The following XRRA1 variants were observed in gnomAD, a reference collection of about 807,000 sequenced individuals.
XRRA1 encodes X-ray radiation resistance-associated protein 1.
XRRA1 carries 69 observed loss-of-function variants against 80.2 expected under a neutral mutation model. That is an observed-to-expected ratio of 0.86 (90% CI 0.71 to 1.05). The LOEUF (loss-of-function observed/expected upper bound fraction) is 1.05. Ranked by LOEUF, XRRA1 falls within the 50% of genes least tolerant of loss-of-function variation. The probability of loss-of-function intolerance (pLI) is 0.00; values close to 1 mark genes in which losing one functional copy is unlikely to be tolerated. For synonymous variants in XRRA1, 348 were observed against 389.9 expected, an observed-to-expected ratio of 0.89 and a Z score of 1.27; for missense variants, 967 against 976.4, an observed-to-expected ratio of 0.99 and a Z score of 0.13.
intron 10 of XRRA1, among the ~76,000 whole-genome samples, chr11:74,890,636 C>A (rs2050403952): frequency 6.6e-6 from 1 of 151,992 alleles, no homozygotes; most frequent in East Asian, 1.9e-4. Context: ...AAAAGATCAA[C>A]AAAATTGATA....
chr11:74,858,648 T>C (rs1461457065), intron 12 of XRRA1, among the ~76,000 whole-genome samples: 3 of 152,206 alleles, frequency 2.0e-5, no homozygotes, highest in Admixed American at 2.0e-4. Context: ...GGCTACAACA[T>C]TTCTACCCTC....
At chr11:74,847,794 T>G (rs2038690993) in intron 15 of XRRA1, among the ~76,000 whole-genome samples, 1 of 152,158 alleles carries the variant, frequency 6.6e-6, no homozygotes, top group Non-Finnish European at 1.5e-5. Context: ...TGAGGAGACC[T>G]GAAGCAGAGA....
chr11:74,918,983 CTTG>C (rs1156580503), intron 8 of XRRA1: 1 of 152,260 alleles, frequency 6.6e-6, no homozygotes, highest in African/African-American at 2.4e-5. Context: ...TGGATATAGA[CTTG>C]TTGACTTCAG....
In XRRA1 at chr11:74,921,258, G is replaced by A. The variant is rs767173824; in HGVS notation, c.612C>T (p.Gly204=). ...TGGGCGGCAGGGAGGTAAGGCCATTGCCTGTGAGGAGCAGGACACGGAGGT... is the reference window on the plus strand; with the variant it reads ...TGGGCGGCAGGGAGGTAAGGCCATTACCTGTGAGGAGCAGGACACGGAGGT... ...LPHLRVLLLT[G]NGLTSLPPNL... is the part of the protein sequence containing the mutation. Residue 204 remains glycine (G), a synonymous_variant, in exon 8 of 19, where the codon GGC becomes GGT. Transcript: ENST00000684022. 6.2e-7 allele frequency: 1 copy of A among 1,614,006 alleles called. No individual in the cohort carries two copies. The highest frequency in any genetic ancestry group is 2.2e-5 in the East Asian group (1 of 44,882).
chr11:74,938,333 C>T (rs910065625), intron 3 of XRRA1, among the ~76,000 whole-genome samples: 5 of 152,192 alleles, frequency 3.3e-5, no homozygotes, highest in Non-Finnish European at 7.3e-5. Flanking sequence ...CCATCTGGGG[C>T]ATGAACTTTG....
intron 7 of XRRA1, among the ~76,000 whole-genome samples, chr11:74,922,554 T>C (rs1022826788): frequency 6.6e-6 from 1 of 152,188 alleles, no homozygotes; most frequent in Non-Finnish European, 1.5e-5. Flanking sequence ...TGCTTCCCTG[T>C]GCCCCCCTCC....
At chr11:74,851,051 C>G in intron 14 of XRRA1, 37 bp downstream of exon 14, 1 of 1,562,072 alleles carries the variant, frequency 6.4e-7, no homozygotes, top group Non-Finnish European at 8.7e-7. Context: ...AGGCTGCACT[C>G]TTCCTGGGGG....
At chr11:74,885,058 G>GT (rs1467488274) in intron 10 of XRRA1, among the ~76,000 whole-genome samples, 3 of 152,138 alleles carry the variant, frequency 2.0e-5, no homozygotes, top group Non-Finnish European at 2.9e-5. Flanking sequence ...GAGCTCAGGA[G>GT]TTTGAGACCA....
chr11:74,843,689 C>A, intron 18 of XRRA1, 165 bp downstream of exon 18: 1 of 809,504 alleles, frequency 1.2e-6, no homozygotes, highest in Non-Finnish European at 1.9e-6. Context: ...TTTTAGGCAA[C>A]TCCCTGCCTC....
At chr11:74,856,709 G>C (rs1321423228) in intron 12 of XRRA1, among the ~76,000 whole-genome samples, 2 of 152,268 alleles carry the variant, frequency 1.3e-5, no homozygotes, top group African/African-American at 2.4e-5. Flanking sequence ...GGAGGCAGGA[G>C]AGAGATTGAT....
chr11:74,901,681 A>G (rs1312706413), intron 10 of XRRA1, among the ~76,000 whole-genome samples: 4 of 152,190 alleles, frequency 2.6e-5, no homozygotes, highest in Non-Finnish European at 4.4e-5. Context: ...CCAAGAACAC[A>G]CATTGGGGAA....
rs1946190593 is a variant in XRRA1, at chr11:74,940,830, T to C, written c.49A>G (p.Asn17Asp). The change falls in exon 3 of 19, where the codon AAC becomes GAC. Residue 17 changes from asparagine to aspartate, a missense_variant. Coordinates refer to ENST00000684022, the MANE Select transcript of XRRA1 (RefSeq NM_001378157.1). ...YKLDDGKPYL[N>D]NCFPARNLLR... ...AGATTTCTGGCTGGGAAGCAGTTGT[T>C]CAGGTAAGGCTTCCCATCATCCAGC... 2 of 1,609,602 alleles carry C rather than the reference T, an allele frequency of 1.2e-6. No homozygotes were observed. The highest frequency in any genetic ancestry group is 2.7e-5 in the African/African-American group (2 of 74,838).
intron 10 of XRRA1, among the ~76,000 whole-genome samples, chr11:74,896,840 A>T (rs777107785): frequency 7.2e-5 from 11 of 152,230 alleles, no homozygotes; most frequent in Non-Finnish European, 1.6e-4. Flanking sequence ...TGGTGCATGT[A>T]CAAGTTTGCA....
In XRRA1 at chr11:74,907,242, T is replaced by C. The variant is rs1555076958; in HGVS notation, c.688A>G (p.Arg230Gly). ...AGCGCTGGGAACCTCAGGATGTACC[T>C]CTTGCTTGTCAGCGATGTTACAGAT... is the stretch of plus-strand genomic sequence containing the variant. The part of the protein sequence containing the change: ...EASVTSLTSK[R>G]YILRFPALET... Residue 230 changes from arginine to glycine, a missense_variant, in exon 9 of 19, where the codon AGG becomes GGG. By Grantham distance (125) the Arg-to-Gly change is moderately radical (BLOSUM62 -2). Transcript: ENST00000684022. 1 of 1,613,952 alleles carries C rather than the reference T, an allele frequency of 6.2e-7. No individual in the cohort carries two copies. Among genetic ancestry groups the C allele is most frequent in the Non-Finnish European group, 8.5e-7 (1 of 1,179,854 alleles).
chr11:74,896,258 C>T (rs1157069653), intron 10 of XRRA1, among the ~76,000 whole-genome samples: 1 of 152,240 alleles, frequency 6.6e-6, no homozygotes. Context: ...TCCTGGACAG[C>T]ATTTCTGGGC....
chr11:74,945,377 T>C (rs1406297125), intron 1 of XRRA1, among the ~76,000 whole-genome samples: 1 of 152,114 alleles, frequency 6.6e-6, no homozygotes, highest in Non-Finnish European at 1.5e-5. Context: ...ATCGTTTACA[T>C]GATTATTTAC....
At chr11:74,923,695 CT>C (rs1421821829) in intron 7 of XRRA1, among the ~76,000 whole-genome samples, 1 of 152,184 alleles carries the variant, frequency 6.6e-6, no homozygotes, top group Non-Finnish European at 1.5e-5. Context: ...TCCCCAGTCT[CT>C]TTTCTGCTAC....
intron 10 of XRRA1, among the ~76,000 whole-genome samples, chr11:74,874,090 G>A (rs1236266967): frequency 6.6e-6 from 1 of 151,784 alleles, no homozygotes; most frequent in East Asian, 1.9e-4. Context: ...ACAAAAATTA[G>A]CTGGGCATGG....
At chr11:74,911,070 A>C (rs1367057704) in intron 8 of XRRA1, among the ~76,000 whole-genome samples, 1 of 152,244 alleles carries the variant, frequency 6.6e-6, no homozygotes, top group East Asian at 1.9e-4. Context: ...TGCGAAGAGG[A>C]GGCCACCAAT....
Sources: gnomAD v4.1 joint callset for allele counts (sites outside exome capture counted in the v4.1 genomes callset) on GRCh38, gnomAD v4.1.1 for gene constraint, MANE v1.5 for transcripts, NCBI Gene and HGNC (gene_info 2026-07-23, HGNC 2026-07-21) for gene names.